Variants in UMODL1 observed in about 807,000 individuals in gnomAD.
UMODL1 encodes uromodulin like 1.
In UMODL1, 128 loss-of-function variants were observed where a neutral mutation model predicts 136.3. The observed-to-expected ratio is 0.94, with a 90% CI of 0.81 to 1.09. UMODL1 has a LOEUF of 1.09. Among genes scored for constraint, UMODL1 ranks in the 50% least tolerant of loss-of-function variants. The pLI, the probability that UMODL1 is intolerant of heterozygous loss-of-function variation, is 0.00. For synonymous variants in UMODL1, 721 were observed against 720.0 expected, an observed-to-expected ratio of 1.00 and a Z score of -0.02; for missense variants, 1,766 against 1,725.6, an observed-to-expected ratio of 1.02 and a Z score of -0.41.
intron 6 of UMODL1, among the ~76,000 whole-genome samples, chr21:42,095,451 C>G (rs1372037895): frequency 1.3e-5 from 2 of 149,530 alleles, no homozygotes; most frequent in African/African-American, 5.0e-5. Flanking sequence ...CTTCATACCG[C>G]CTTCTCCTTT....
At chr21:42,130,129 A>G (rs2067114513) in intron 21 of UMODL1, among the ~76,000 whole-genome samples, 1 of 152,228 alleles carries the variant, frequency 6.6e-6, no homozygotes, top group South Asian at 2.1e-4. Context: ...GAGCTGCATA[A>G]TATCAAGCTG....
In UMODL1 at chr21:42,113,580, C is replaced by A. The variant is rs1601243934; in HGVS notation, c.2112C>A (p.Val704=). The change falls in exon 13 of 23, where the codon GTC becomes GTA. Residue 704 remains valine (V), a synonymous_variant. Transcript: ENST00000408910. The stretch of plus-strand genomic sequence containing the variant: ...TTATATTCCACTTCCCAGTTCCTGT[C>A]TCCATTGGGAGGATCATGGTCTCCA... ...TALKTPACVP[V]SIGRIMVSNV... is the part of the protein sequence containing the mutation. The A allele has an allele frequency of 6.2e-7, 1 of 1,610,746 alleles. No individual in the cohort carries two copies. Among genetic ancestry groups the A allele is most frequent in the South Asian group, 1.1e-5 (1 of 90,914 alleles).
intron 1 of UMODL1, among the ~76,000 whole-genome samples, chr21:42,073,482 G>T (rs558132254): frequency 6.6e-6 from 1 of 152,136 alleles, no homozygotes; most frequent in African/African-American, 2.4e-5. Context: ...TGCTGGGCCC[G>T]CAGGGTGATT....
chr21:42,137,672 C>A (rs1381536497), intron 22 of UMODL1, 31 bp downstream of exon 22: 1 of 983,638 alleles, frequency 1.0e-6, no homozygotes, highest in African/African-American at 1.6e-5. Flanking sequence ...GAGGTGCAGG[C>A]TGACAGGAAG....
intron 21 of UMODL1, among the ~76,000 whole-genome samples, chr21:42,134,780 ATT>A (rs34392732): frequency 4.2e-4 from 60 of 143,664 alleles, no homozygotes; most frequent in Admixed American, 5.5e-4. Context: ...AAGTCTGGCT[ATT>A]TTTTTTTTTT....
In UMODL1 at chr21:42,129,169, C is replaced by T. The variant is rs902111041; in HGVS notation, c.3691-544C>T. 2.0e-4 allele frequency among the ~76,000 whole-genome samples: 30 copies of T among 152,240 alleles called. No individual in the cohort carries two copies. The Middle Eastern group carries it at 0.01, about 52-fold the overall frequency. ...GTGGATTAGGGCCCACCCTGATGAC[C>T]TCAGCTTGATGATCTGTTTCCAAGT... On this transcript the variant is annotated intron_variant, in intron 20 of 22. Coordinates refer to ENST00000408910, the MANE Select transcript of UMODL1 (RefSeq NM_001004416.3).
intron 21 of UMODL1, among the ~76,000 whole-genome samples, chr21:42,133,430 T>C (rs1397879208): frequency 1.3e-5 from 2 of 152,194 alleles, no homozygotes; most frequent in Non-Finnish European, 2.9e-5. Context: ...CCCACTCTCC[T>C]CTCTCTGTCT....
chr21:42,137,936 C>G (rs1028519340), intron 22 of UMODL1, among the ~76,000 whole-genome samples: 3 of 152,056 alleles, frequency 2.0e-5, no homozygotes, highest in Non-Finnish European at 2.9e-5. Flanking sequence ...ACGGAGCGTG[C>G]AGCCTCCCTT....
At chr21:42,075,241 TGGGG>T (rs35546438) in intron 1 of UMODL1, among the ~76,000 whole-genome samples, 1 of 142,916 alleles carries the variant, frequency 7.0e-6, no homozygotes, top group African/African-American at 2.7e-5. Context: ...TTGCTGGAGA[TGGGG>T]GGGGGGTTTC....
chr21:42,140,669 G>C (rs964258416), intron 22 of UMODL1, among the ~76,000 whole-genome samples: 3 of 151,942 alleles, frequency 2.0e-5, no homozygotes, highest in Non-Finnish European at 4.4e-5. Context: ...TCTTGCAGTG[G>C]GGACACCAGG....
chr21:42,080,750 C>T (rs150068361), intron 2 of UMODL1, among the ~76,000 whole-genome samples: 17 of 152,336 alleles, frequency 1.1e-4, no homozygotes, highest in Non-Finnish European at 4.4e-5. Context: ...TTATCCAGGG[C>T]AGACATTTCA....
intron 21 of UMODL1, among the ~76,000 whole-genome samples, chr21:42,132,911 A>G (rs973555000): frequency 6.6e-6 from 1 of 152,252 alleles, no homozygotes; most frequent in African/African-American, 2.4e-5. Flanking sequence ...AGCCTGGCCC[A>G]TAGAAGTTAT....
intron 9 of UMODL1, among the ~76,000 whole-genome samples, chr21:42,106,273 A>T (rs184122431): frequency 6.6e-6 from 1 of 152,374 alleles, no homozygotes; most frequent in Admixed American, 6.5e-5. Context: ...ACCCCCGCTG[A>T]GAGCCCCACC....
chr21:42,079,880 T>C (rs747373025), intron 2 of UMODL1, among the ~76,000 whole-genome samples: 30 of 152,132 alleles, frequency 2.0e-4, no homozygotes, highest in Non-Finnish European at 3.5e-4. Flanking sequence ...GGCATTTGAG[T>C]GCTGTGGCTG....
chr21:42,120,045 A>T (rs1253999991), intron 15 of UMODL1, among the ~76,000 whole-genome samples: 1 of 151,866 alleles, frequency 6.6e-6, no homozygotes, highest in Non-Finnish European at 1.5e-5. Flanking sequence ...GGATAAATGC[A>T]CGAAAGCTCT....
At chr21:42,101,094 T>C (rs2066625189) in intron 7 of UMODL1, among the ~76,000 whole-genome samples, 1 of 151,622 alleles carries the variant, frequency 6.6e-6, no homozygotes, top group African/African-American at 2.4e-5. Flanking sequence ...ATTATAAAAA[T>C]GCCCTTTTTT....
In UMODL1 at chr21:42,090,972, G is replaced by A. The variant is rs1023379902; in HGVS notation, c.931+534G>A. Among the ~76,000 whole-genome samples the A allele has an allele frequency of 7.2e-5, 11 of 152,092 alleles. No individual in the cohort carries two copies. The East Asian group carries it at 7.7e-4, about 11-fold the overall frequency. ...GCAGTGAGCTGCCGTTTTTTTCTTC[G>A]AAACGGGAAAAGGGTGAAGGCATTT... On this transcript the variant is annotated intron_variant, in intron 6 of 22. Transcript: ENST00000408910.
chr21:42,123,248 C>G lies in UMODL1; in HGVS notation c.3147+98C>G. 1 of 1,375,038 alleles carries G rather than the reference C, an allele frequency of 7.3e-7. No homozygotes were observed. The highest frequency in any genetic ancestry group is 9.8e-7 in the Non-Finnish European group (1 of 1,022,578). 85.2% of individuals were successfully genotyped at this position (1,375,038 alleles called of 1,614,324 possible). ...TGGGAGGGCCAGGCAAGACTCTGCA[C>G]CCCGAGGGGAACCCAGCAAGGGGGG... is the stretch of plus-strand genomic sequence containing the variant. On this transcript the variant is annotated intron_variant, in intron 17 of 22. Transcript: ENST00000408910. This position sits in a 1 kb window ranked among gnomAD's most constrained non-coding sequence, Gnocchi z 4.4.
intron 1 of UMODL1, 88 bp downstream of exon 1, chr21:42,071,480 T>A: frequency 7.5e-7 from 1 of 1,332,894 alleles, no homozygotes; most frequent in Non-Finnish European, 9.8e-7. Flanking sequence ...TGTGGAGACC[T>A]GGGCAGGCAA....
Sources: gnomAD v4.1 joint callset for allele counts (sites outside exome capture counted in the v4.1 genomes callset) on GRCh38, gnomAD v4.1.1 for gene constraint, Gnocchi (gnomAD v3.1) non-coding constraint, MANE v1.5 for transcripts, NCBI Gene and HGNC (gene_info 2026-07-23, HGNC 2026-07-21) for gene names.